NT5C3B: variants seen among roughly 807,000 people sequenced by gnomAD.
The protein encoded by NT5C3B is 7-methylguanosine phosphate-specific 5'-nucleotidase.
Under a neutral mutation model 32.5 loss-of-function variants are expected in NT5C3B, and 28 were observed. That is an observed-to-expected ratio of 0.86 (90% CI 0.64 to 1.18). The LOEUF (loss-of-function observed/expected upper bound fraction) is 1.18, where lower values mean the gene tolerates loss of function less well. Ranked by LOEUF, NT5C3B falls within the 50% of genes most tolerant of loss-of-function variation. NT5C3B has a pLI of 0.00. For synonymous variants in NT5C3B, 138 were observed against 118.0 expected (o/e 1.17, Z -1.10); for missense variants, 317 against 322.0 (o/e 0.98, Z 0.12).
chr17:41,829,475 C>T (rs987828643), intron 6 of NT5C3B, among the ~76,000 whole-genome samples: 19 of 152,240 alleles, frequency 1.2e-4, no homozygotes, highest in African/African-American at 4.6e-4. Context: ...ATGTAACTAA[C>T]TAGCTTGAGG....
At chr17:41,832,821 C>T (rs10852947) in intron 4 of NT5C3B, 133,037 of 188,726 alleles carry the variant, frequency 0.7, 48,377 homozygotes, top group East Asian at 0.83. Context: ...TGAGCCAAGA[C>T]GAGATCACAC....
At chr17:41,827,658 G>T (rs367956599) in intron 7 of NT5C3B, 32 bp from the exon 8 acceptor site, 9 of 826,268 alleles carry the variant, frequency 1.1e-5, no homozygotes, top group African/African-American at 3.3e-5. Context: ...CAGATGGAAG[G>T]GCTGCAGGGA....
chr17:41,831,735 T>G (rs1555619087), intron 5 of NT5C3B, among the ~76,000 whole-genome samples: 2 of 152,196 alleles, frequency 1.3e-5, no homozygotes, highest in East Asian at 1.9e-4. Flanking sequence ...CAGAACTGTG[T>G]GCCAATAAAT....
chr17:41,835,497 T>C (rs993632132), intron 2 of NT5C3B: 5 of 661,584 alleles, frequency 7.6e-6, no homozygotes, highest in African/African-American at 7.2e-5. Flanking sequence ...GGGGCAAGGG[T>C]GAATACTCAG....
intron 2 of NT5C3B, 37 bp downstream of exon 2, chr17:41,835,822 C>T (rs782808913): frequency 5.1e-6 from 8 of 1,565,236 alleles, no homozygotes; most frequent in African/African-American, 1.4e-5. Flanking sequence ...CTCCAGCCGC[C>T]CCCAGCCCGG....
In NT5C3B at chr17:41,825,413, C is replaced by T. The variant is rs970835009; in HGVS notation, c.*110G>A. On this transcript the variant is annotated 3_prime_UTR_variant, in exon 9 of 9. Transcript: ENST00000435506. ...AGGAGGACGGAGGGGCGCGGAAGGA[C>T]CCAGCCACTGCTGGCCACCCTGGCC... The T allele has an allele frequency of 4.2e-6, 3 of 713,524 alleles. No homozygotes were observed. The highest frequency in any genetic ancestry group is 4.7e-6 in the Non-Finnish European group (2 of 424,984). The allele number at this position is 713,524 out of a possible 1,614,324, so 44.2% of individuals were successfully genotyped here.
At chr17:41,832,518 C>T in intron 4 of NT5C3B, 41 bp from the exon 5 acceptor site, 1 of 1,568,116 alleles carries the variant, frequency 6.4e-7, no homozygotes, top group Admixed American at 1.7e-5. Context: ...TAGTCCATAT[C>T]AAGTTCTTCC....
chr17:41,832,589 C>T (rs2048070706), intron 4 of NT5C3B, 112 bp from the exon 5 acceptor site: 2 of 768,692 alleles, frequency 2.6e-6, no homozygotes, highest in Non-Finnish European at 4.3e-6. Flanking sequence ...ACTTCATGGC[C>T]AGGGGCGGTG....
intron 2 of NT5C3B, 110 bp downstream of exon 2, chr17:41,835,749 G>A: frequency 3.5e-6 from 4 of 1,128,474 alleles, no homozygotes; most frequent in African/African-American, 1.5e-5. Context: ...CATTTCTTGG[G>A]GCAGAGAGCT....
rs1231267700 is a variant in NT5C3B, at chr17:41,835,175, C to T, written c.181+28G>A. 6 of 1,613,268 alleles carry T rather than the reference C, an allele frequency of 3.7e-6. No homozygotes were observed. In the African/African-American group the frequency reaches 8.0e-5, roughly 22 times the overall value. ...TTAGAACCCATCGTCTTGTCAAGCT[C>T]AACAAGGGAAGCTAGAATGTGACTT... On this transcript the variant is annotated intron_variant, in intron 3 of 8. Coordinates refer to ENST00000435506, the MANE Select transcript of NT5C3B (RefSeq NM_052935.5).
chr17:41,827,704 A>C, intron 7 of NT5C3B, 78 bp from the exon 8 acceptor site: 1 of 731,340 alleles, frequency 1.4e-6, no homozygotes, highest in Non-Finnish European at 2.5e-6. Flanking sequence ...TCTCTGTCAC[A>C]GAGAAAAGGG....
rs2047949692 is a variant in NT5C3B at position 41,825,675 on chromosome 17, C to T, written c.769-18G>A. 2 of 872,402 alleles carry T rather than the reference C, an allele frequency of 2.3e-6. No individual in the cohort carries two copies. The highest frequency in any genetic ancestry group is 1.3e-5 in the South Asian group (1 of 76,542). The allele number at this position is 872,402 out of a possible 1,614,324, so 54.0% of individuals were successfully genotyped here. ...TCCTCCACCTGCCCGGAATGAGAGGCAGAAGCCAGAGGGTCCCCAAATGCC... is the reference window on the plus strand; with the variant it reads ...TCCTCCACCTGCCCGGAATGAGAGGTAGAAGCCAGAGGGTCCCCAAATGCC... On this transcript the variant is annotated intron_variant, in intron 8 of 8. Transcript: ENST00000435506.
chr17:41,828,513 T>G (rs1555618538), intron 7 of NT5C3B: 1 of 271,792 alleles, frequency 3.7e-6, no homozygotes. Flanking sequence ...ATTTCTGTAT[T>G]TTTAGTACAG....
rs1352482457 is a variant in NT5C3B, at chr17:41,836,207, T to C, written c.-14A>G. On this transcript the variant is annotated 5_prime_UTR_variant, in exon 1 of 9. Transcript: ENST00000435506. ...CTCCTCTGCCATCCCGTTCGAGGCC[T>C]GGTCGGCGGCTCGCGGGACAACGAC... 1.6e-6 allele frequency: 2 copies of C among 1,228,368 alleles called. No homozygotes were observed. Among genetic ancestry groups the C allele is most frequent in the Non-Finnish European group, 2.0e-6 (2 of 987,562 alleles). 76.1% of individuals were successfully genotyped at this position (1,228,368 alleles called of 1,614,324 possible).
Position 41,825,550 on chromosome 17 carries a change from C to G in NT5C3B, c.876G>C (p.Gly292=), listed in dbSNP as rs782192790. ...NGLLQHILCQ[G]VQLEMQGP ...AGGGGCCTTGCATCTCCAGCTGGAC[C>G]CCCTGGCACAGGATGTGCTGCAGTA... is the stretch of plus-strand genomic sequence containing the variant. Residue 292 remains glycine, a synonymous_variant, in exon 9 of 9, where the codon GGG becomes GGC. Transcript: ENST00000435506. 9.2e-6 allele frequency: 8 copies of G among 872,646 alleles called. No individual in the cohort carries two copies. The East Asian group carries it at 1.9e-4, about 21-fold the overall frequency. 54.1% of individuals were successfully genotyped at this position (872,646 alleles called of 1,614,324 possible). A position where few individuals can be genotyped will look rare whatever the true frequency, so the allele number is the denominator to read the frequency against.
intron 8 of NT5C3B, among the ~76,000 whole-genome samples, 196 bp downstream of exon 8, chr17:41,827,230 C>T (rs946632376): frequency 6.6e-6 from 1 of 151,330 alleles, no homozygotes; most frequent in African/African-American, 2.4e-5. Flanking sequence ...ACCCAGGAGG[C>T]GGAGCTTGCA....
Position 41,832,415 on chromosome 17 carries a change from C to G in NT5C3B, c.291G>C (p.Glu97Asp). 6.2e-7 allele frequency: 1 copy of G among 1,613,846 alleles called. No homozygotes were observed. Among genetic ancestry groups the G allele is most frequent in the Non-Finnish European group, 8.5e-7 (1 of 1,179,806 alleles). Residue 97 changes from glutamate (E) to aspartate (D), a missense_variant, in exon 5 of 9, where the codon GAG becomes GAC. By Grantham distance (45) the Glu-to-Asp change is conservative. Coordinates refer to ENST00000435506, the MANE Select transcript of NT5C3B (RefSeq NM_052935.5). ...ACCATTCCACCATATGAGGTAGCTT[C>G]TCCTTGACGGTCCGGTGTGGGTCGA... The part of the protein sequence containing the change: ...IEIDPHRTVK[E>D]KLPHMVEWWT...
chr17:41,826,554 C>T (rs536686366), intron 8 of NT5C3B, among the ~76,000 whole-genome samples: 2 of 152,002 alleles, frequency 1.3e-5, no homozygotes, highest in South Asian at 2.1e-4. Context: ...GATGGAGCCT[C>T]GCTCTGTCAC....
Position 41,825,574 on chromosome 17 carries a change from T to G in NT5C3B, c.852A>C (p.Leu284=). ...CCCCCTGGCACAGGATGTGCTGCAGTAGCCCGTTGACCACATCCAGAGTCT... is the reference window on the plus strand; with the variant it reads ...CCCCCTGGCACAGGATGTGCTGCAGGAGCCCGTTGACCACATCCAGAGTCT... ...KDETLDVVNG[L]LQHILCQGVQ... is the part of the protein sequence containing the mutation. The change falls in exon 9 of 9, where the codon CTA becomes CTC. Residue 284 remains leucine, a synonymous_variant. Transcript: ENST00000435506. 1 of 872,814 alleles carries G rather than the reference T, an allele frequency of 1.1e-6. No individual in the cohort carries two copies. The highest frequency in any genetic ancestry group is 2.0e-6 in the Non-Finnish European group (1 of 501,668). 54.1% of individuals were successfully genotyped at this position (872,814 alleles called of 1,614,324 possible).
Sources: gnomAD v4.1 joint callset for allele counts (sites outside exome capture counted in the v4.1 genomes callset) on GRCh38, gnomAD v4.1.1 for gene constraint, MANE v1.5 for transcripts, NCBI Gene and HGNC (gene_info 2026-07-23, HGNC 2026-07-21) for gene names.